BPNT1: variants seen among roughly 807,000 people sequenced by gnomAD.
BPNT1 encodes the protein 3'(2'), 5'-bisphosphate nucleotidase 1.
A neutral mutation model predicts 36.9 loss-of-function variants in BPNT1; 28 were observed. The ratio of observed to expected loss-of-function variants is 0.76; its 90% CI spans 0.56 to 1.04. BPNT1 has a LOEUF of 1.04. Ranked by LOEUF, BPNT1 falls within the 50% of genes least tolerant of loss-of-function variation. The probability of loss-of-function intolerance (pLI) is 0.00; values close to 1 mark genes in which losing one functional copy is unlikely to be tolerated. For synonymous variants in BPNT1, 119 were observed against 130.9 expected (o/e 0.91, Z 0.62); for missense variants, 313 against 372.9 (o/e 0.84, Z 1.32).
At chr1:220,064,776 A>G (rs1218501363) in intron 6 of BPNT1, among the ~76,000 whole-genome samples, 1 of 152,128 alleles carries the variant, frequency 6.6e-6, no homozygotes, top group Non-Finnish European at 1.5e-5. Context: ...ACACTACAGG[A>G]GAGGCTTGGA....
Position 220,062,678 on chromosome 1 carries a change from T to C in BPNT1, c.672+79A>G, listed in dbSNP as rs933613775. On this transcript the variant is annotated intron_variant, in intron 7 of 8. Transcript: ENST00000322067. ...ATACCCAGTAATGGGATGGCTAAAC[T>C]CTTATTTCATGTTTTTAGAAGTTGA... 12 of 1,507,846 alleles carry C rather than the reference T, an allele frequency of 8.0e-6. No homozygotes were observed. In the East Asian group the frequency reaches 2.3e-4, roughly 28 times the overall value. The allele number at this position is 1,507,846 out of a possible 1,614,324, so 93.4% of individuals were successfully genotyped here. A position where few individuals can be genotyped will look rare whatever the true frequency, so the allele number is the denominator to read the frequency against.
At chr1:220,066,209 T>C in intron 6 of BPNT1, 2 of 791,084 alleles carry the variant, frequency 2.5e-6, no homozygotes, top group South Asian at 4.6e-5. Flanking sequence ...TGATGAAAGG[T>C]ACCGTGCATT....
intron 6 of BPNT1, among the ~76,000 whole-genome samples, 153 bp from the exon 7 acceptor site, chr1:220,063,107 G>T (rs1413538291): frequency 1.3e-5 from 2 of 152,198 alleles, no homozygotes; most frequent in African/African-American, 4.8e-5. Flanking sequence ...CCAGCACTTT[G>T]GGAGGCCGAG....
chr1:220,073,360 C>T (rs1054425139), intron 3 of BPNT1, among the ~76,000 whole-genome samples: 6 of 151,898 alleles, frequency 4.0e-5, no homozygotes, highest in Non-Finnish European at 5.9e-5. Context: ...ACCATCTCAG[C>T]TCACTGCAAC....
chr1:220,077,628 T>C (rs1225146000), intron 2 of BPNT1, among the ~76,000 whole-genome samples: 1 of 152,088 alleles, frequency 6.6e-6, no homozygotes, highest in Non-Finnish European at 1.5e-5. Flanking sequence ...CATTGAATGT[T>C]TTACATTCAA....
At chr1:220,086,310 G>A (rs1055480821) in intron 1 of BPNT1, among the ~76,000 whole-genome samples, 2 of 151,956 alleles carry the variant, frequency 1.3e-5, no homozygotes, top group Non-Finnish European at 2.9e-5. Context: ...TCGCTCTGTC[G>A]CCCAGGCTAA....
In BPNT1 at chr1:220,058,921, C is replaced by A; in HGVS notation, c.850G>T (p.Val284Phe). 9 of 1,613,964 alleles carry A rather than the reference C, an allele frequency of 5.6e-6. No homozygotes were observed. The highest frequency in any genetic ancestry group is 6.8e-6 in the Non-Finnish European group (8 of 1,179,840). Residue 284 changes from valine to phenylalanine, a missense_variant, in exon 9 of 9, where the codon GTC becomes TTC. Physicochemically the swap from Val to Phe is conservative, Grantham distance 50. Coordinates refer to ENST00000322067, the MANE Select transcript of BPNT1 (RefSeq NM_006085.6). ...TCATAATTCCTCAGTGTGGCCAGGA[C>A]TCCTGCAGAGTTCATATGCTTCACA... ...KDVKHMNSAG[V>F]LATLRNYDYY...
chr1:220,089,142 G>C (rs1355501997), intron 1 of BPNT1, among the ~76,000 whole-genome samples: 1 of 150,730 alleles, frequency 6.6e-6, no homozygotes, highest in Non-Finnish European at 1.5e-5. Context: ...GGAGGAAGGA[G>C]GAGGAAGAAG....
intron 3 of BPNT1, among the ~76,000 whole-genome samples, chr1:220,073,595 T>C (rs935615897): frequency 1.4e-4 from 21 of 152,244 alleles, no homozygotes; most frequent in Non-Finnish European, 2.8e-4. Context: ...CCTGGCCTAA[T>C]TCCCTCATTT....
chr1:220,080,883 G>C (rs1404064458), intron 1 of BPNT1, among the ~76,000 whole-genome samples: 1 of 152,236 alleles, frequency 6.6e-6, no homozygotes, highest in Non-Finnish European at 1.5e-5. Context: ...ATGAAGACCA[G>C]TCACTTGGAA....
chr1:220,066,087 T>A (rs1180163411), intron 6 of BPNT1: 1 of 1,524,686 alleles, frequency 6.6e-7, no homozygotes. Context: ...GCTTCATTCC[T>A]GTGTTCCCTT....
At chr1:220,083,684 T>G (rs993540491) in intron 1 of BPNT1, among the ~76,000 whole-genome samples, 4 of 152,096 alleles carry the variant, frequency 2.6e-5, no homozygotes, top group African/African-American at 9.7e-5. Context: ...ACTTTGTGGA[T>G]TTTTTCCAAC....
intron 2 of BPNT1, among the ~76,000 whole-genome samples, chr1:220,077,421 G>T (rs1027927491): frequency 1.3e-5 from 2 of 151,164 alleles, no homozygotes; most frequent in African/African-American, 4.9e-5. Context: ...TTATTTTAGA[G>T]ACAGGGTTTT....
chr1:220,064,981 A>AT (rs1458587567), intron 6 of BPNT1, among the ~76,000 whole-genome samples: 1 of 151,556 alleles, frequency 6.6e-6, no homozygotes, highest in Non-Finnish European at 1.5e-5. Flanking sequence ...CTAATTTTGT[A>AT]TTTTTTTAGT....
chr1:220,066,904 C>G (rs1398244018), intron 6 of BPNT1: 3 of 152,008 alleles, frequency 2.0e-5, no homozygotes, highest in Non-Finnish European at 4.4e-5. Context: ...GTCTTGATGC[C>G]CAAGCTAATC....
chr1:220,071,773 C>T (rs1367251719), intron 4 of BPNT1, among the ~76,000 whole-genome samples: 6 of 152,234 alleles, frequency 3.9e-5, no homozygotes, highest in East Asian at 1.9e-4. Flanking sequence ...CTGTAACCTC[C>T]GCCTCCCAGG....
intron 7 of BPNT1, among the ~76,000 whole-genome samples, chr1:220,062,471 A>C (rs1246069541): frequency 6.6e-6 from 1 of 151,798 alleles, no homozygotes; most frequent in African/African-American, 2.4e-5. Context: ...AAGGACATGA[A>C]CTCATCATTT....
intron 1 of BPNT1, among the ~76,000 whole-genome samples, chr1:220,087,708 T>A (rs1655872157): frequency 6.6e-6 from 1 of 152,036 alleles, no homozygotes; most frequent in Non-Finnish European, 1.5e-5. Context: ...GATCAGTATA[T>A]AAAAGCTGAA....
intron 3 of BPNT1, 23 bp from the exon 4 acceptor site, chr1:220,072,980 G>C: frequency 1.3e-6 from 2 of 1,569,720 alleles, no homozygotes; most frequent in Non-Finnish European, 1.8e-6. Context: ...TAACCCTAAT[G>C]GTTACTGAAG....
Sources: gnomAD v4.1 joint callset for allele counts (sites outside exome capture counted in the v4.1 genomes callset) on GRCh38, gnomAD v4.1.1 for gene constraint, MANE v1.5 for transcripts, NCBI Gene and HGNC (gene_info 2026-07-23, HGNC 2026-07-21) for gene names.